Variants in CDH18 observed in about 807,000 individuals in gnomAD.
CDH18 encodes cadherin-18.
A neutral mutation model predicts 67.9 loss-of-function variants in CDH18; 31 were observed. The observed-to-expected ratio is 0.46, with a 90% CI of 0.34 to 0.62. CDH18 has a LOEUF of 0.62. CDH18 is among the 20% of genes least tolerant of loss of function. The pLI is 0.01. For missense variants in CDH18, 890 were observed against 975.5 expected, an observed-to-expected ratio of 0.91 and a Z score of 1.17; for synonymous variants, 362 against 347.2, an observed-to-expected ratio of 1.04 and a Z score of -0.48.
At chr5:19,693,651 C>T (rs529059438) in intron 5 of CDH18, among the ~76,000 whole-genome samples, 110 of 152,222 alleles carry the variant, frequency 7.2e-4, no homozygotes, top group African/African-American at 2.5e-3. Context: ...AATCCCAACA[C>T]TTTGGGAGGC....
chr5:19,476,093 A>C (rs1422137290), intron 12 of CDH18, among the ~76,000 whole-genome samples: 1 of 152,046 alleles, frequency 6.6e-6, no homozygotes, highest in Non-Finnish European at 1.5e-5. Flanking sequence ...GTCACTGTGC[A>C]CTGGGAGGTA....
At chr5:20,167,176 T>C (rs1736358626) in intron 2 of CDH18, among the ~76,000 whole-genome samples, 1 of 152,152 alleles carries the variant, frequency 6.6e-6, no homozygotes, top group Non-Finnish European at 1.5e-5. Flanking sequence ...GAATATACAC[T>C]TCTAGTCAAA....
chr5:19,636,754 T>C (rs904617377), intron 5 of CDH18, among the ~76,000 whole-genome samples: 1 of 151,996 alleles, frequency 6.6e-6, no homozygotes, highest in Non-Finnish European at 1.5e-5. Context: ...TCTCATGCTA[T>C]GTTCACAGTT....
In CDH18 at chr5:19,928,759, T is replaced by C. The variant is rs143041817; in HGVS notation, c.-257+52301A>G. Among the ~76,000 whole-genome samples, 6 of 152,194 alleles carry C rather than the reference T, an allele frequency of 3.9e-5. No homozygotes were observed. The East Asian group carries it at 1.2e-3, about 30-fold the overall frequency. On this transcript the variant is annotated intron_variant, in intron 2 of 12. Coordinates refer to ENST00000382275, the MANE Select transcript of CDH18 (RefSeq NM_004934.5). ...GCAAATCATCAGCTGAACTTAAACC[T>C]TGGCACTCAGGATCTCTGAATAAAT...
intron 2 of CDH18, among the ~76,000 whole-genome samples, chr5:20,074,569 G>A (rs1743761545): frequency 6.6e-6 from 1 of 152,120 alleles, no homozygotes; most frequent in Non-Finnish European, 1.5e-5. Flanking sequence ...AGAGAGACCT[G>A]CAGAATAAGT....
intron 1 of CDH18, among the ~76,000 whole-genome samples, chr5:20,257,656 T>C (rs1039859968): frequency 6.6e-6 from 1 of 152,144 alleles, no homozygotes; most frequent in African/African-American, 2.4e-5. Context: ...TTAGGAAATG[T>C]CACCAATAAA....
intron 10 of CDH18, among the ~76,000 whole-genome samples, chr5:19,508,983 C>CGT (rs1476072800): frequency 2.6e-5 from 4 of 151,004 alleles, no homozygotes; most frequent in Non-Finnish European, 5.9e-5. Context: ...AAGTGATTCT[C>CGT]GTGTCTCAGC....
intron 1 of CDH18, among the ~76,000 whole-genome samples, chr5:20,296,357 C>G (rs1747525886): frequency 6.6e-6 from 1 of 151,468 alleles, no homozygotes; most frequent in Non-Finnish European, 1.5e-5. Context: ...GGGTTCAGGC[C>G]ATTCTCCTGC....
chr5:19,612,156 G>C (rs563949808), intron 6 of CDH18, among the ~76,000 whole-genome samples: 16 of 152,142 alleles, frequency 1.1e-4, no homozygotes, highest in African/African-American at 3.9e-4. Flanking sequence ...CTTCGCCAAA[G>C]GCAAGATGCC....
chr5:20,106,053 G>A (rs1281252237), intron 2 of CDH18, among the ~76,000 whole-genome samples: 1 of 152,036 alleles, frequency 6.6e-6, no homozygotes, highest in Non-Finnish European at 1.5e-5. Context: ...GACAGCTCTA[G>A]ATTTCATTGT....
rs1746980385 is a variant in CDH18, at chr5:19,600,647, G to C, written c.812-9403C>G. Among the ~76,000 whole-genome samples the C allele has an allele frequency of 2.0e-5, 3 of 150,706 alleles. No homozygotes were observed. In the South Asian group the frequency reaches 6.3e-4, roughly 32 times the overall value. ...TTTCATGAAGGTCTGTCCATTCTTG[G>C]CAATTATTAGATACTTTCATGAAAA... On this transcript the variant is annotated intron_variant, in intron 6 of 12. Transcript: ENST00000382275.
intron 1 of CDH18, among the ~76,000 whole-genome samples, chr5:20,347,769 G>A (rs1740826605): frequency 6.6e-6 from 1 of 152,152 alleles, no homozygotes; most frequent in Non-Finnish European, 1.5e-5. Flanking sequence ...GAGTCAGTCA[G>A]CCCAAACTCA....
intron 1 of CDH18, among the ~76,000 whole-genome samples, chr5:19,981,384 G>T (rs2150361760): frequency 6.6e-6 from 1 of 151,102 alleles, no homozygotes; most frequent in African/African-American, 2.4e-5. Flanking sequence ...ATTTTCTGCT[G>T]CTATAACAAA....
intron 3 of CDH18, among the ~76,000 whole-genome samples, chr5:19,821,687 G>GA (rs1779898680): frequency 6.6e-6 from 1 of 151,974 alleles, no homozygotes; most frequent in Admixed American, 6.6e-5. Context: ...CAAAGTGAAA[G>GA]AAAAAATCTT....
intron 2 of CDH18, among the ~76,000 whole-genome samples, chr5:19,920,421 A>T (rs533968795): frequency 6.6e-6 from 1 of 151,838 alleles, no homozygotes; most frequent in Non-Finnish European, 1.5e-5. Context: ...ACTACCATCA[A>T]TTCCTTTAGA....
At chr5:19,705,056 A>G (rs1338675866) in intron 5 of CDH18, among the ~76,000 whole-genome samples, 1 of 152,230 alleles carries the variant, frequency 6.6e-6, no homozygotes, top group Non-Finnish European at 1.5e-5. Context: ...AAGTGTTGCC[A>G]CAAGTCATGT....
rs1798985815 is a variant in CDH18 at position 19,981,117 on chromosome 5, G to A, written c.-314C>T. The A allele has an allele frequency of 6.6e-6, 1 of 152,098 alleles. No individual in the cohort carries two copies. Among genetic ancestry groups the A allele is most frequent in the South Asian group, 2.1e-4 (1 of 4,826 alleles). 9.4% of individuals were successfully genotyped at this position (152,098 alleles called of 1,614,324 possible). On this transcript the variant is annotated 5_prime_UTR_variant, in exon 2 of 13. Coordinates refer to ENST00000382275, the MANE Select transcript of CDH18 (RefSeq NM_004934.5). ...CTGCAGACACCATCATCTCTCCCCA[G>A]AATTCTTGGGATAGATCTGTAACTG...
intron 11 of CDH18, among the ~76,000 whole-genome samples, chr5:19,492,883 A>T (rs1741695699): frequency 1.3e-5 from 2 of 152,168 alleles, no homozygotes; most frequent in Non-Finnish European, 2.9e-5. Flanking sequence ...TACTAAAGCA[A>T]CTAAAGAATG....
intron 5 of CDH18, among the ~76,000 whole-genome samples, chr5:19,613,655 AC>A (rs1749365204): frequency 6.6e-6 from 1 of 152,134 alleles, no homozygotes; most frequent in African/African-American, 2.4e-5. Context: ...ATACATAAAC[AC>A]CCACCTCTAC....
Sources: allele counts gnomAD v4.1 joint callset (sites outside exome capture counted in the v4.1 genomes callset), GRCh38; gene constraint gnomAD v4.1.1; transcripts MANE v1.5; gene names NCBI Gene and HGNC (gene_info 2026-07-23, HGNC 2026-07-21).